The following MAN1C1 variants were observed in gnomAD, a reference collection of about 807,000 sequenced individuals.
The protein encoded by MAN1C1 is mannosyl-oligosaccharide 1,2-alpha-mannosidase IC.
In MAN1C1, 49 loss-of-function variants were observed where a neutral mutation model predicts 71.5. The ratio of observed to expected loss-of-function variants is 0.69; its 90% CI spans 0.54 to 0.87. MAN1C1 has a LOEUF of 0.87. Among genes scored for constraint, MAN1C1 ranks in the 40% least tolerant of loss-of-function variants. The pLI is 0.00. For synonymous variants in MAN1C1, 352 were observed against 343.7 expected, an observed-to-expected ratio of 1.02 and a Z score of -0.27; for missense variants, 743 against 835.0, an observed-to-expected ratio of 0.89 and a Z score of 1.36.
At chr1:25,710,460 T>C (rs1355739917) in intron 2 of MAN1C1, among the ~76,000 whole-genome samples, 1 of 152,238 alleles carries the variant, frequency 6.6e-6, no homozygotes, top group Non-Finnish European at 1.5e-5. Context: ...GAACAGACCT[T>C]AATAATAATA....
intron 6 of MAN1C1, chr1:25,759,365 A>G (rs2047331461): frequency 6.6e-6 from 1 of 152,596 alleles, no homozygotes; most frequent in Non-Finnish European, 1.5e-5. Flanking sequence ...CCTCCCTCAT[A>G]TGGCACTCAG....
At chr1:25,660,273 T>C (rs1310732715) in intron 1 of MAN1C1, among the ~76,000 whole-genome samples, 5 of 152,016 alleles carry the variant, frequency 3.3e-5, no homozygotes, top group Non-Finnish European at 7.4e-5. Flanking sequence ...TGGTGGCACA[T>C]GCCTGTAATC....
intron 1 of MAN1C1, among the ~76,000 whole-genome samples, chr1:25,668,625 G>C (rs541887841): frequency 1.3e-5 from 2 of 149,868 alleles, no homozygotes; most frequent in African/African-American, 4.9e-5. Context: ...GCACGATCTC[G>C]GCTCACTGCA....
At chr1:25,754,226 T>G (rs914191089) in intron 5 of MAN1C1, among the ~76,000 whole-genome samples, 3 of 152,136 alleles carry the variant, frequency 2.0e-5, no homozygotes, top group Admixed American at 2.0e-4. Flanking sequence ...GCTGTGACGT[T>G]CCACTGCACC....
chr1:25,696,820 A>C (rs2046376347), intron 2 of MAN1C1, among the ~76,000 whole-genome samples: 1 of 151,836 alleles, frequency 6.6e-6, no homozygotes, highest in Non-Finnish European at 1.5e-5. Context: ...TAATTTTTTA[A>C]ATTTTTTGTA....
chr1:25,705,262 A>C (rs919240567), intron 2 of MAN1C1, among the ~76,000 whole-genome samples: 5 of 152,248 alleles, frequency 3.3e-5, no homozygotes, highest in African/African-American at 1.2e-4. Flanking sequence ...TGTATTTTGA[A>C]AAAAAGGAAG....
chr1:25,778,667 C>T lies in MAN1C1; in HGVS notation c.1477+343C>T, dbSNP rs983840916. Among the ~76,000 whole-genome samples the T allele has an allele frequency of 1.1e-4, 16 of 152,132 alleles. No individual in the cohort carries two copies. The highest frequency in any genetic ancestry group is 4.6e-4 in the Admixed American group (7 of 15,280). On this transcript the variant is annotated intron_variant, in intron 9 of 11. Coordinates refer to ENST00000374332, the MANE Select transcript of MAN1C1 (RefSeq NM_020379.4). This position sits in a 1 kb window ranked among gnomAD's most constrained non-coding sequence, Gnocchi z 5.5. ...CACAGAGTAAAGGATCCTCCAGCCC[C>T]GGAGGCAGAAACGGCGGCTTCCTGA... is the stretch of plus-strand genomic sequence containing the variant.
chr1:25,702,928 T>G (rs986205162), intron 2 of MAN1C1, among the ~76,000 whole-genome samples: 2 of 152,208 alleles, frequency 1.3e-5, no homozygotes, highest in African/African-American at 4.8e-5. Context: ...GGACTCAGAC[T>G]CTGTGAATTG....
Position 25,764,174 on chromosome 1 carries a change from A to G in MAN1C1, c.1141+207A>G, listed in dbSNP as rs1040751441. Reference sequence around the variant, plus strand: ...TGGTTGTCTGCTGCTGCAGTGCCGGATGTGATGGCTGCTGTTTACTGAAGG... The same window carrying G: ...TGGTTGTCTGCTGCTGCAGTGCCGGGTGTGATGGCTGCTGTTTACTGAAGG... On this transcript the variant is annotated intron_variant, in intron 7 of 11. Coordinates refer to ENST00000374332, the MANE Select transcript of MAN1C1 (RefSeq NM_020379.4). The surrounding 1 kb of genome is among the most constrained non-coding windows in gnomAD (Gnocchi z 4.4). Among the ~76,000 whole-genome samples, 1 of 152,132 alleles carries G rather than the reference A, an allele frequency of 6.6e-6. No individual in the cohort carries two copies. The highest frequency in any genetic ancestry group is 2.4e-5 in the African/African-American group (1 of 41,432).
chr1:25,650,467 G>A (rs1041444221), intron 1 of MAN1C1, among the ~76,000 whole-genome samples: 5 of 152,130 alleles, frequency 3.3e-5, no homozygotes, highest in African/African-American at 9.7e-5. Flanking sequence ...CTACTTCCAC[G>A]TAACTCTTGC....
rs1220156056 is a variant in MAN1C1, at chr1:25,753,350, G to A, written c.835-134G>A. On this transcript the variant is annotated intron_variant, in intron 4 of 11. Coordinates refer to ENST00000374332, the MANE Select transcript of MAN1C1 (RefSeq NM_020379.4). The surrounding 1 kb of genome is among the most constrained non-coding windows in gnomAD (Gnocchi z 4.9). ...CGTGGCCAGCAGTTGGAAGAACCGG[G>A]CTGGTGGACTGCAGCACTGCCCCCT... The A allele has an allele frequency of 1.1e-5, 6 of 543,826 alleles. No individual in the cohort carries two copies. The highest frequency in any genetic ancestry group is 1.9e-5 in the Non-Finnish European group (6 of 307,990). 33.7% of individuals were successfully genotyped at this position (543,826 alleles called of 1,614,324 possible).
At chr1:25,748,686 A>G (rs1227216374) in intron 3 of MAN1C1, among the ~76,000 whole-genome samples, 1 of 152,246 alleles carries the variant, frequency 6.6e-6, no homozygotes, top group Non-Finnish European at 1.5e-5. Context: ...AGAAAATAGA[A>G]ATGATTAAGG....
At chr1:25,771,860 G>C (rs2047557505) in intron 8 of MAN1C1, 88 bp downstream of exon 8, 1 of 956,754 alleles carries the variant, frequency 1.0e-6, no homozygotes, top group African/African-American at 1.6e-5. Flanking sequence ...GGGCAGCGGG[G>C]CCAGATGGGC....
chr1:25,740,750 A>T (rs535298091), intron 2 of MAN1C1, among the ~76,000 whole-genome samples: 28 of 151,862 alleles, frequency 1.8e-4, no homozygotes, highest in East Asian at 7.8e-4. Context: ...TGAATTTTTT[A>T]AAAAATCTCT....
chr1:25,767,072 A>G (rs970711445), intron 7 of MAN1C1, among the ~76,000 whole-genome samples: 47 of 151,968 alleles, frequency 3.1e-4, no homozygotes, highest in Admixed American at 3.1e-3. Context: ...ACCCTGAGCT[A>G]ATGCAGAACA....
At chr1:25,739,642 C>A (rs1014569869) in intron 2 of MAN1C1, among the ~76,000 whole-genome samples, 1 of 152,080 alleles carries the variant, frequency 6.6e-6, no homozygotes, top group Non-Finnish European at 1.5e-5. Flanking sequence ...CTCAGCAGCT[C>A]CTGGGGAGGA....
At chr1:25,722,578 G>A (rs1322702364) in intron 2 of MAN1C1, among the ~76,000 whole-genome samples, 2 of 152,166 alleles carry the variant, frequency 1.3e-5, no homozygotes, top group African/African-American at 4.8e-5. Flanking sequence ...TTTTGTGAAT[G>A]TTCTTTTGTT....
chr1:25,663,833 C>A (rs563032012), intron 1 of MAN1C1, among the ~76,000 whole-genome samples: 1 of 152,158 alleles, frequency 6.6e-6, no homozygotes, highest in Admixed American at 6.5e-5. Flanking sequence ...TCTCCCCATA[C>A]CCAGGAGGCC....
intron 1 of MAN1C1, among the ~76,000 whole-genome samples, chr1:25,637,660 C>CT (rs1243651604): frequency 6.6e-6 from 1 of 151,816 alleles, no homozygotes; most frequent in African/African-American, 2.4e-5. Flanking sequence ...CTTTCCAACT[C>CT]TAATTATGGA....
Sources: gnomAD v4.1 joint callset for allele counts (sites outside exome capture counted in the v4.1 genomes callset) on GRCh38, gnomAD v4.1.1 for gene constraint, Gnocchi (gnomAD v3.1) non-coding constraint, MANE v1.5 for transcripts, NCBI Gene and HGNC (gene_info 2026-07-23, HGNC 2026-07-21) for gene names.